PRDM16: variants seen among roughly 807,000 people sequenced by gnomAD.
PRDM16 encodes the protein PR/SET domain 16, also known as histone-lysine N-methyltransferase PRDM16.
Under a neutral mutation model 110.6 loss-of-function variants are expected in PRDM16, and 23 were observed. The ratio of observed to expected loss-of-function variants is 0.21; its 90% CI spans 0.15 to 0.29. PRDM16 has a LOEUF of 0.29. Ranked by LOEUF, PRDM16 falls within the 10% of genes least tolerant of loss-of-function variation. The pLI is 1.00. For missense variants in PRDM16, 1,615 were observed against 1,794.3 expected (o/e 0.90, Z 1.81); for synonymous variants, 799 against 781.8 (o/e 1.02, Z -0.37).
chr1:3,359,048 A>T lies in PRDM16; in HGVS notation c.439-26104A>T, dbSNP rs1642665537. 6.6e-6 allele frequency among the ~76,000 whole-genome samples: 1 copy of T among 151,980 alleles called. No homozygotes were observed. The highest frequency in any genetic ancestry group is 1.5e-5 in the Non-Finnish European group (1 of 67,984). On this transcript the variant is annotated intron_variant, in intron 3 of 16. Coordinates refer to ENST00000270722, the MANE Select transcript of PRDM16 (RefSeq NM_022114.4). This position sits in a 1 kb window ranked among gnomAD's most constrained non-coding sequence, Gnocchi z 4.3. ...CCAACTAGAGTCTTCAAATCAACCAATGTCCATTATTTGGAGGGTCTCACT... is the reference window on the plus strand; with the variant it reads ...CCAACTAGAGTCTTCAAATCAACCATTGTCCATTATTTGGAGGGTCTCACT...
intron 3 of PRDM16, among the ~76,000 whole-genome samples, chr1:3,377,627 A>G (rs1203951243): frequency 1.3e-5 from 2 of 152,088 alleles, no homozygotes; most frequent in African/African-American, 4.8e-5. Flanking sequence ...AGGACTCCTG[A>G]GGCTCACCCC....
chr1:3,334,542 T>C (rs566949064), intron 3 of PRDM16, among the ~76,000 whole-genome samples: 2 of 152,144 alleles, frequency 1.3e-5, no homozygotes. Context: ...ACTCCTCTTG[T>C]GGGGAGGAAA....
At chr1:3,108,601 C>A in intron 1 of PRDM16, among the ~76,000 whole-genome samples, 1 of 152,216 alleles carries the variant, frequency 6.6e-6, no homozygotes, top group East Asian at 1.9e-4. Context: ...GACAGGCACC[C>A]TGCCAGGTGC....
Position 3,234,097 on chromosome 1 carries a change from G to A in PRDM16, c.388-9990G>A, listed in dbSNP as rs1010566171. Among the ~76,000 whole-genome samples the A allele has an allele frequency of 1.4e-4, 22 of 152,236 alleles. No individual in the cohort carries two copies. The South Asian group carries it at 2.3e-3, about 16-fold the overall frequency. ...CGGGGTTTGCGATTGGGTCGGTCCC[G>A]GTGTCCTGGGAGTGTGTTCAGGGCT... On this transcript the variant is annotated intron_variant, in intron 2 of 16. Coordinates refer to ENST00000270722, the MANE Select transcript of PRDM16 (RefSeq NM_022114.4).
intron 1 of PRDM16, among the ~76,000 whole-genome samples, chr1:3,161,147 G>C (rs1643893538): frequency 6.6e-6 from 1 of 152,186 alleles, no homozygotes; most frequent in Admixed American, 6.5e-5. Flanking sequence ...CAGCTGACAG[G>C]TGAGGGAGGC....
chr1:3,316,955 C>G (rs897735896), intron 3 of PRDM16, among the ~76,000 whole-genome samples: 1 of 152,118 alleles, frequency 6.6e-6, no homozygotes, highest in African/African-American at 2.4e-5. Context: ...AACATTGACA[C>G]AGTATAGCCA....
intron 3 of PRDM16, among the ~76,000 whole-genome samples, chr1:3,330,726 T>G (rs747565643): frequency 1.3e-5 from 2 of 152,182 alleles, no homozygotes; most frequent in Non-Finnish European, 2.9e-5. Context: ...AGGGTGGGTT[T>G]TTGAGAAGCT....
At chr1:3,225,140 A>G (rs1412008878) in intron 2 of PRDM16, among the ~76,000 whole-genome samples, 1 of 145,782 alleles carries the variant, frequency 6.9e-6, no homozygotes, top group Non-Finnish European at 1.5e-5. Context: ...TTGGCAAAAT[A>G]TGGCTTTTAG....
chr1:3,219,258 G>A (rs1639098650), intron 2 of PRDM16, among the ~76,000 whole-genome samples: 1 of 152,244 alleles, frequency 6.6e-6, no homozygotes. Context: ...GGACCAGGCT[G>A]ACGTCTCAAT....
chr1:3,307,200 A>G (rs4648473), intron 3 of PRDM16: 124,343 of 152,240 alleles, frequency 0.82, 51,451 homozygotes, highest in East Asian at 0.99. Context: ...TTCCTTGAAA[A>G]TGGAACTGCT....
chr1:3,207,053 A>G (rs545509753), intron 2 of PRDM16: 4 of 152,284 alleles, frequency 2.6e-5, no homozygotes, highest in Non-Finnish European at 5.9e-5. Flanking sequence ...AGCAGAGGAG[A>G]CACAGCTGTG....
chr1:3,228,624 G>T lies in PRDM16; in HGVS notation c.388-15463G>T, dbSNP rs1225304181. On this transcript the variant is annotated intron_variant, in intron 2 of 16. Transcript: ENST00000270722. The stretch of plus-strand genomic sequence containing the variant: ...CCACTGCCTCGACAACGTTGCAGCT[G>T]CCCCAGCTGTGGAACGCAGGGCTTC... Among the ~76,000 whole-genome samples the T allele has an allele frequency of 3.3e-5, 5 of 152,192 alleles. No homozygotes were observed. The East Asian group carries it at 9.6e-4, about 29-fold the overall frequency.
chr1:3,276,341 C>G (rs1640582245), intron 3 of PRDM16, among the ~76,000 whole-genome samples: 1 of 152,204 alleles, frequency 6.6e-6, no homozygotes, highest in Non-Finnish European at 1.5e-5. Context: ...CCAGCAGCGA[C>G]CAGGCCTCTT....
intron 2 of PRDM16, among the ~76,000 whole-genome samples, chr1:3,212,343 C>T (rs1638905814): frequency 6.6e-6 from 1 of 152,180 alleles, no homozygotes; most frequent in Non-Finnish European, 1.5e-5. Flanking sequence ...TTCAGGTGAT[C>T]TTGACACCCC....
chr1:3,404,629 G>T, intron 6 of PRDM16, 110 bp from the exon 7 acceptor site: 1 of 1,330,314 alleles, frequency 7.5e-7, no homozygotes, highest in Non-Finnish European at 1.0e-6. Flanking sequence ...TCCCTCGGCA[G>T]CGTGGTGGGG....
At position 3,069,226 on chromosome 1, in the gene PRDM16, AAGG is replaced by A. The variant is rs1176002185; in HGVS notation, c.-25_-23del. On this transcript the variant is annotated 5_prime_UTR_variant, in exon 1 of 17. Transcript: ENST00000270722. The surrounding 1 kb of genome is among the most constrained non-coding windows in gnomAD (Gnocchi z 6.1). ...ATAGTGTGTGGCTGCTTCTGGACTC[AAGG>A]AGGAGGAGAGAGATTCCGCGAGCCG... The A allele has an allele frequency of 7.0e-6, 11 of 1,573,404 alleles. No homozygotes were observed. The highest frequency in any genetic ancestry group is 4.9e-5 in the East Asian group (2 of 41,032).
chr1:3,416,829 T>C (rs781397059), intron 10 of PRDM16, among the ~76,000 whole-genome samples: 7 of 152,210 alleles, frequency 4.6e-5, no homozygotes, highest in Non-Finnish European at 1.0e-4. Context: ...TGCCTTTTGC[T>C]ACCCCTCAGG....
chr1:3,383,526 A>G (rs1291568625), intron 3 of PRDM16, among the ~76,000 whole-genome samples: 1 of 152,146 alleles, frequency 6.6e-6, no homozygotes, highest in Non-Finnish European at 1.5e-5. Flanking sequence ...ATGCACAGAG[A>G]CCGGGGCACG....
intron 12 of PRDM16, among the ~76,000 whole-genome samples, chr1:3,424,764 T>G (rs1242725541): frequency 6.6e-6 from 1 of 150,402 alleles, no homozygotes; most frequent in East Asian, 2.0e-4. Context: ...CCCAGCCACC[T>G]CGAGGGGTGG....
Sources: allele counts gnomAD v4.1 joint callset (sites outside exome capture counted in the v4.1 genomes callset), GRCh38; gene constraint gnomAD v4.1.1; non-coding constraint Gnocchi (gnomAD v3.1); transcripts MANE v1.5; gene names NCBI Gene and HGNC (gene_info 2026-07-23, HGNC 2026-07-21).